PRKG1: variants seen among roughly 807,000 people sequenced by gnomAD.
The protein encoded by PRKG1 is protein kinase cGMP-dependent 1, also known as cGMP-dependent protein kinase 1.
PRKG1 carries 35 observed loss-of-function variants against 88.1 expected under a neutral mutation model. That is an observed-to-expected ratio of 0.40 (90% CI 0.30 to 0.53). The LOEUF (loss-of-function observed/expected upper bound fraction) is 0.53. Ranked by LOEUF, PRKG1 falls within the 20% of genes least tolerant of loss-of-function variation. The pLI is 0.59. For synonymous variants in PRKG1, 303 were observed against 292.5 expected (o/e 1.04, Z -0.37); for missense variants, 540 against 839.8 (o/e 0.64, Z 4.41).
At chr10:51,941,076 T>C (rs1842897231) in intron 5 of PRKG1, among the ~76,000 whole-genome samples, 1 of 151,990 alleles carries the variant, frequency 6.6e-6, no homozygotes, top group Non-Finnish European at 1.5e-5. Context: ...ATCCATCCAT[T>C]GTAAGATACA....
At position 51,194,422 on chromosome 10, in the gene PRKG1, T is replaced by A. The variant is rs1338954760; in HGVS notation, c.478+41092T>A. Among the ~76,000 whole-genome samples, 8 of 152,172 alleles carry A rather than the reference T, an allele frequency of 5.3e-5. No individual in the cohort carries two copies. In the East Asian group the frequency reaches 1.5e-3, roughly 29 times the overall value. On this transcript the variant is annotated intron_variant, in intron 2 of 17. Coordinates refer to ENST00000373980, the MANE Select transcript of PRKG1 (RefSeq NM_006258.4). ...CCCCCTGACAGGCCCCAGTGTGTGATGTTCTGCTACCTGTGTCCATGTGTT... is the reference window on the plus strand; with the variant it reads ...CCCCCTGACAGGCCCCAGTGTGTGAAGTTCTGCTACCTGTGTCCATGTGTT...
chr10:52,233,467 C>T (rs1463424194), intron 9 of PRKG1, among the ~76,000 whole-genome samples: 5 of 146,222 alleles, frequency 3.4e-5, no homozygotes, highest in Admixed American at 1.4e-4. Flanking sequence ...GCACCGTGCG[C>T]GAGCCGAAGC....
intron 5 of PRKG1, among the ~76,000 whole-genome samples, chr10:51,968,405 GAGA>G (rs1843623644): frequency 6.6e-6 from 1 of 152,096 alleles, no homozygotes; most frequent in South Asian, 2.1e-4. Context: ...AGGAATGGGG[GAGA>G]AGAAGAGGCA....
intron 2 of PRKG1, among the ~76,000 whole-genome samples, chr10:51,372,659 G>A (rs1842727810): frequency 6.6e-6 from 1 of 152,000 alleles, no homozygotes; most frequent in Non-Finnish European, 1.5e-5. Flanking sequence ...TTCTCTTCCT[G>A]AAGCTTTTTA....
At chr10:51,926,234 C>G (rs12257609) in intron 5 of PRKG1, among the ~76,000 whole-genome samples, 3,303 of 152,160 alleles carry the variant, frequency 0.022, 138 homozygotes, top group African/African-American at 0.076. Flanking sequence ...CAAACTCGAG[C>G]TGAACGCTAG....
chr10:51,275,454 T>C (rs1486595777), intron 2 of PRKG1, among the ~76,000 whole-genome samples: 1 of 152,204 alleles, frequency 6.6e-6, no homozygotes, highest in Admixed American at 6.5e-5. Context: ...TGCACATCAT[T>C]TCATAATGTA....
At chr10:51,321,354 G>A (rs1841450409) in intron 2 of PRKG1, among the ~76,000 whole-genome samples, 1 of 152,102 alleles carries the variant, frequency 6.6e-6, no homozygotes, top group East Asian at 1.9e-4. Flanking sequence ...CACAGTACAT[G>A]GCACATAAGA....
chr10:51,392,945 GCCGGGCTGA>G (rs1174849971), intron 2 of PRKG1, among the ~76,000 whole-genome samples: 43,910 of 138,046 alleles, frequency 0.32, 8,845 homozygotes, highest in Non-Finnish European at 0.4. Flanking sequence ...GGGGCGGCTG[GCCGGGCTGA>G]GGGCTGACCC....
At chr10:51,942,059 G>T (rs868044882) in intron 5 of PRKG1, among the ~76,000 whole-genome samples, 2 of 152,016 alleles carry the variant, frequency 1.3e-5, no homozygotes, top group Admixed American at 1.3e-4. Flanking sequence ...CTAGTTTACA[G>T]TCCCACCAAC....
rs547451883 is a variant in PRKG1, at chr10:52,130,436, G to T, written c.936-3404G>T. Among the ~76,000 whole-genome samples, 20 of 152,210 alleles carry T rather than the reference G, an allele frequency of 1.3e-4. No homozygotes were observed. The South Asian group carries it at 4.2e-3, about 32-fold the overall frequency. ...TTCTGAAATATTGTAGATTTGTGAT[G>T]AATACATTTTTAAAAATCTATATGC... On this transcript the variant is annotated intron_variant, in intron 7 of 17. Coordinates refer to ENST00000373980, the MANE Select transcript of PRKG1 (RefSeq NM_006258.4).
intron 3 of PRKG1, among the ~76,000 whole-genome samples, chr10:51,761,112 T>TCAA (rs1172921124): frequency 2.0e-5 from 3 of 152,298 alleles, no homozygotes; most frequent in Admixed American, 2.0e-4. Flanking sequence ...AGACTGGGTC[T>TCAA]CAACAACAAC....
chr10:51,620,577 G>A (rs539056617), intron 3 of PRKG1, among the ~76,000 whole-genome samples: 3 of 151,858 alleles, frequency 2.0e-5, no homozygotes, highest in East Asian at 3.9e-4. Flanking sequence ...ATTATACATC[G>A]TTGTGTAATT....
At chr10:51,321,498 G>A (rs1841454626) in intron 2 of PRKG1, among the ~76,000 whole-genome samples, 1 of 152,056 alleles carries the variant, frequency 6.6e-6, no homozygotes, top group Non-Finnish European at 1.5e-5. Flanking sequence ...TATGTTAAGT[G>A]AAATAAGCCA....
chr10:51,559,513 C>T (rs1215413606), intron 3 of PRKG1, among the ~76,000 whole-genome samples: 1 of 152,046 alleles, frequency 6.6e-6, no homozygotes, highest in Non-Finnish European at 1.5e-5. Flanking sequence ...GGGAAACTCA[C>T]AAACCAAAGC....
chr10:51,855,707 G>A (rs2132816775), intron 4 of PRKG1, among the ~76,000 whole-genome samples: 1 of 152,226 alleles, frequency 6.6e-6, no homozygotes, highest in East Asian at 1.9e-4. Flanking sequence ...GATTTCCTGA[G>A]GGAATTTTAG....
At chr10:52,174,112 T>G (rs1462778110) in intron 9 of PRKG1, among the ~76,000 whole-genome samples, 2 of 152,012 alleles carry the variant, frequency 1.3e-5, no homozygotes, top group African/African-American at 4.8e-5. Context: ...TTTTTTAATT[T>G]ATTTTTTATT....
intron 3 of PRKG1, among the ~76,000 whole-genome samples, chr10:51,625,919 G>A (rs1406578648): frequency 6.6e-6 from 1 of 152,066 alleles, no homozygotes; most frequent in Non-Finnish European, 1.5e-5. Context: ...TATTCTTATG[G>A]AACTTGTCAT....
chr10:51,860,346 C>T (rs941987275), intron 4 of PRKG1, among the ~76,000 whole-genome samples: 1 of 152,166 alleles, frequency 6.6e-6, no homozygotes, highest in African/African-American at 2.4e-5. Context: ...GAAAGAACAG[C>T]TATTTATCTG....
intron 9 of PRKG1, among the ~76,000 whole-genome samples, chr10:52,187,015 A>T (rs1240101105): frequency 6.6e-6 from 1 of 152,228 alleles, no homozygotes; most frequent in East Asian, 1.9e-4. Flanking sequence ...CAAATTTTAT[A>T]AAATAATTTA....
Sources: allele counts gnomAD v4.1 joint callset (sites outside exome capture counted in the v4.1 genomes callset), GRCh38; gene constraint gnomAD v4.1.1; transcripts MANE v1.5; gene names NCBI Gene and HGNC (gene_info 2026-07-23, HGNC 2026-07-21).